DNAH2: variants seen among roughly 807,000 people sequenced by gnomAD.
The protein encoded by DNAH2 is dynein axonemal heavy chain 2, also known as axonemal beta dynein heavy chain 2.
A neutral mutation model predicts 523.5 loss-of-function variants in DNAH2; 323 were observed. The observed-to-expected ratio is 0.62, with a 90% CI of 0.56 to 0.68. DNAH2 has a LOEUF of 0.68. DNAH2 is among the 30% of genes least tolerant of loss of function. DNAH2 has a pLI of 0.00. For synonymous variants in DNAH2, 2,093 were observed against 2,177.4 expected (o/e 0.96, Z 1.08); for missense variants, 4,907 against 5,701.5 (o/e 0.86, Z 4.49).
chr17:7,754,616 G>T lies in DNAH2; in HGVS notation c.1905-2475G>T. 6.6e-7 allele frequency: 1 copy of T among 1,509,258 alleles called. No individual in the cohort carries two copies. Among genetic ancestry groups the T allele is most frequent in the East Asian group, 2.3e-5 (1 of 44,312 alleles). 93.5% of individuals were successfully genotyped at this position (1,509,258 alleles called of 1,614,324 possible). ...CCGAGGCTCTCAAGGCCCTCGTAAA[G>T]CCCAAGGAGGTTAAGCCCAAGATCC... On this transcript the variant is annotated intron_variant, in intron 12 of 85. Coordinates refer to ENST00000572933, the MANE Select transcript of DNAH2 (RefSeq NM_020877.5). This position sits in a 1 kb window ranked among gnomAD's most constrained non-coding sequence, Gnocchi z 4.6.
Position 7,740,891 on chromosome 17 carries a change from C to T in DNAH2, c.1588C>T (p.Arg530Trp), listed in dbSNP as rs748106013. Reference sequence around the variant, plus strand: ...CGAGCTGGCCCTGGTGAACCGTGAACGGAACAAGAAATGGCCAGACCTGGA... The same window carrying T: ...CGAGCTGGCCCTGGTGAACCGTGAATGGAACAAGAAATGGCCAGACCTGGA... Reference protein sequence around the residue: ...NSELALVNRERNKKWPDLEPY... With the variant: ...NSELALVNREWNKKWPDLEPY... Residue 530 changes from arginine to tryptophan, a missense_variant, in exon 11 of 86, where the codon CGG (arginine) becomes TGG (tryptophan). Arg to Trp is a moderately radical substitution (Grantham distance 101, BLOSUM62 -3). Coordinates refer to ENST00000572933, the MANE Select transcript of DNAH2 (RefSeq NM_020877.5). 2.2e-5 allele frequency: 36 copies of T among 1,613,926 alleles called. No homozygotes were observed. Among genetic ancestry groups the T allele is most frequent in the Admixed American group, 1.0e-4 (6 of 59,998 alleles).
intron 3 of DNAH2, among the ~76,000 whole-genome samples, chr17:7,725,773 T>A (rs943290663): frequency 1.3e-5 from 2 of 150,412 alleles, no homozygotes; most frequent in Admixed American, 6.7e-5. Context: ...TTTGCATTTT[T>A]AAAAATGACA....
At position 7,757,133 on chromosome 17, in the gene DNAH2, G is replaced by C; in HGVS notation, c.1947G>C (p.Arg649=). 6.2e-7 allele frequency: 1 copy of C among 1,614,198 alleles called. No individual in the cohort carries two copies. Among genetic ancestry groups the C allele is most frequent in the Non-Finnish European group, 8.5e-7 (1 of 1,180,022 alleles). Residue 649 remains arginine, a synonymous_variant, in exon 13 of 86, where the codon CGG becomes CGC. Coordinates refer to ENST00000572933, the MANE Select transcript of DNAH2 (RefSeq NM_020877.5). ...TTGCGGAAATTGACTACTGGGAGCG[G>C]CTGCTGTTTGAGACGCCCCATTACG... ...ILFAEIDYWE[R]LLFETPHYVV... is the part of the protein sequence containing the mutation.
At chr17:7,739,599 T>G in intron 8 of DNAH2, 134 bp from the exon 9 acceptor site, 1 of 888,102 alleles carries the variant, frequency 1.1e-6, no homozygotes, top group Non-Finnish European at 1.7e-6. Flanking sequence ...TTTAGATATT[T>G]TCTTCTTCTT....
In DNAH2 at chr17:7,760,277, G is replaced by A. The variant is rs968293481; in HGVS notation, c.2785+339G>A. Among the ~76,000 whole-genome samples, 1 of 151,992 alleles carries A rather than the reference G, an allele frequency of 6.6e-6. No individual in the cohort carries two copies. Among genetic ancestry groups the A allele is most frequent in the South Asian group, 2.1e-4 (1 of 4,820 alleles). On this transcript the variant is annotated intron_variant, in intron 17 of 85. Coordinates refer to ENST00000572933, the MANE Select transcript of DNAH2 (RefSeq NM_020877.5). The surrounding 1 kb of genome is among the most constrained non-coding windows in gnomAD (Gnocchi z 4.0). Reference sequence around the variant, plus strand: ...CAACTACTCAGGAGGCTGAGGCAAAGAATCACCCCGGAGGCGGAGGTTGCA... The same window carrying A: ...CAACTACTCAGGAGGCTGAGGCAAAAAATCACCCCGGAGGCGGAGGTTGCA...
At chr17:7,805,459 A>G in intron 61 of DNAH2, 66 bp downstream of exon 61, 1 of 1,603,702 alleles carries the variant, frequency 6.2e-7, no homozygotes, top group Non-Finnish European at 8.5e-7. Context: ...TCGGCTGTGC[A>G]GCAGACACTC....
intron 39 of DNAH2, among the ~76,000 whole-genome samples, chr17:7,784,777 A>G (rs1291149875): frequency 6.6e-6 from 1 of 152,236 alleles, no homozygotes; most frequent in Non-Finnish European, 1.5e-5. Flanking sequence ...GTGAAGAGTG[A>G]CATTTCATAA....
intron 53 of DNAH2, 120 bp downstream of exon 53, chr17:7,797,949 GC>G (rs2077112537): frequency 1.4e-6 from 2 of 1,432,052 alleles, no homozygotes; most frequent in Non-Finnish European, 9.4e-7. Context: ...TTTCTCCCTG[GC>G]CCCAGATGCC....
chr17:7,739,849 C>T lies in DNAH2; in HGVS notation c.1287C>T (p.Asp429=), dbSNP rs759402580. ...CACGGAACTTGCTGGAGATTGAGGA[C>T]ATCTTTCATAAAAATCTGCACACGC... is the stretch of plus-strand genomic sequence containing the variant. ...QITRNLLEIE[D]IFHKNLHTLR... Residue 429 remains aspartate (D), a synonymous_variant, in exon 9 of 86, where the codon GAC becomes GAT. Transcript: ENST00000572933. The T allele has an allele frequency of 6.2e-7, 1 of 1,613,994 alleles. No homozygotes were observed. Among genetic ancestry groups the T allele is most frequent in the South Asian group, 1.1e-5 (1 of 91,060 alleles).
chr17:7,724,947 C>T (rs1176043055), intron 3 of DNAH2, among the ~76,000 whole-genome samples: 2 of 151,498 alleles, frequency 1.3e-5, no homozygotes, highest in African/African-American at 2.4e-5. Context: ...TTTGTCATAT[C>T]GGCCAGGCTG....
Position 7,817,313 on chromosome 17 carries a change from C to G in DNAH2, c.9918C>G (p.Tyr3306Ter). The change falls in exon 65 of 86, where the codon TAC becomes TAG. Residue 3306 changes from tyrosine (Y) to a stop codon, truncating the protein, a stop_gained. Transcript: ENST00000572933. LOFTEE classifies it high-confidence loss of function. ...AGGGCCTGGAGGAGGACCTGGGCTA[C>G]CTGGTGGGGGACTGTCTCCTGGCAG... is the stretch of plus-strand genomic sequence containing the variant. ...TVQGLEEDLGYLVGDCLLAAA... is the reference protein window; with the variant it reads ...TVQGLEEDLG 1 of 1,604,018 alleles carries G rather than the reference C, an allele frequency of 6.2e-7. No homozygotes were observed. Among genetic ancestry groups the G allele is most frequent in the South Asian group, 1.1e-5 (1 of 89,282 alleles).
intron 69 of DNAH2, 48 bp from the exon 70 acceptor site, chr17:7,818,595 A>T: frequency 3.1e-6 from 5 of 1,608,818 alleles, no homozygotes; most frequent in Non-Finnish European, 4.2e-6. Context: ...GAGGAAGGTG[A>T]AGGTCGAAGG....
intron 71 of DNAH2, 69 bp downstream of exon 71, chr17:7,819,132 G>C (rs766327269): frequency 1.2e-6 from 2 of 1,602,928 alleles, no homozygotes; most frequent in Admixed American, 1.7e-5. Context: ...ATGACGGCTC[G>C]AGACCCCTCC....
In DNAH2 at chr17:7,749,308, C is replaced by CAAAAAAAAAAAAAAAAAAAAA. The variant is rs57660603; in HGVS notation, c.1904+6186_1904+6206dup. On this transcript the variant is annotated intron_variant, in intron 12 of 85. Coordinates refer to ENST00000572933, the MANE Select transcript of DNAH2 (RefSeq NM_020877.5). ...GGGCAACAAGAGCTAAACTCCCCCC[C>CAAAAAAAAAAAAAAAAAAAAA]AAAAAAAAAAAAAAAAAAAAAAAAA... 3.8e-3 allele frequency among the ~76,000 whole-genome samples: 67 copies of CAAAAAAAAAAAAAAAAAAAAA among 17,766 alleles called. 32 individuals carry two copies. The highest frequency in any genetic ancestry group is 4.2e-3 in the Non-Finnish European group (52 of 12,386). 11.7% of individuals were successfully genotyped at this position (17,766 alleles called of 152,430 possible).
rs758572190 is a variant in DNAH2 at position 7,734,272 on chromosome 17, G to C, written c.718G>C (p.Glu240Gln). 6.2e-7 allele frequency: 1 copy of C among 1,607,516 alleles called. No individual in the cohort carries two copies. Among genetic ancestry groups the C allele is most frequent in the East Asian group, 2.2e-5 (1 of 44,768 alleles). Reference protein sequence around the residue: ...MKPEMVIKDKELVQRLETSMI... With the variant: ...MKPEMVIKDKQLVQRLETSMI... ...GCCTGAGATGGTGATAAAGGACAAA[G>C]AGCTGGTGCAACGGCTAGAGAGTGA... is the stretch of plus-strand genomic sequence containing the variant. Residue 240 changes from glutamate (E) to glutamine (Q), a missense_variant, in exon 6 of 86, where the codon GAG (glutamate) becomes CAG (glutamine). By Grantham distance (29) the Glu-to-Gln change is conservative (BLOSUM62 2). Around this residue, in one of 3 missense-constraint regions of DNAH2, gnomAD observed 2,806 missense variants for 3,190.8 expected, o/e 0.88. Coordinates refer to ENST00000572933, the MANE Select transcript of DNAH2 (RefSeq NM_020877.5).
At position 7,797,446 on chromosome 17, in the gene DNAH2, A is replaced by C. The variant is rs776993774; in HGVS notation, c.7996A>C (p.Met2666Leu). 1.2e-6 allele frequency: 2 copies of C among 1,614,050 alleles called. No homozygotes were observed. Among genetic ancestry groups the C allele is most frequent in the Non-Finnish European group, 1.7e-6 (2 of 1,180,040 alleles). Residue 2666 changes from methionine (M) to leucine (L), a missense_variant, in exon 52 of 86, where the codon ATG becomes CTG. By Grantham distance (15) the Met-to-Leu change is conservative. Transcript: ENST00000572933. ...LVDAADTEAF[M>L]GIISDKLGSF... ...TGATGCGGCAGACACAGAAGCCTTC[A>C]TGGGCATCATAAGCGACAAGCTCGG...
chr17:7,751,841 A>G (rs2075690273), intron 12 of DNAH2, among the ~76,000 whole-genome samples: 1 of 152,116 alleles, frequency 6.6e-6, no homozygotes, highest in Non-Finnish European at 1.5e-5. Context: ...TTTTATAGGA[A>G]TAGAGATTTG....
Position 7,781,153 on chromosome 17 carries a change from A to C in DNAH2, c.6115A>C (p.Ile2039Leu), listed in dbSNP as rs1248797020. 3 of 1,614,028 alleles carry C rather than the reference A, an allele frequency of 1.9e-6. No individual in the cohort carries two copies. The highest frequency in any genetic ancestry group is 2.7e-5 in the African/African-American group (2 of 74,914). The change falls in exon 39 of 86, where the codon ATT becomes CTT. Residue 2039 changes from isoleucine (I) to leucine (L), a missense_variant. Ile to Leu is a conservative substitution (Grantham distance 5). This residue lies in a region of DNAH2 where 2,806 missense variants were observed against 3,190.8 expected (regional missense o/e 0.88). Transcript: ENST00000572933. ...DLFPNIELPV[I>L]DYGKLRETVE... ...GTTTCCCAACATTGAGCTGCCTGTC[A>C]TTGACTATGGCAAGGTATTTGTTCC...
In DNAH2 at chr17:7,818,605, G is replaced by T. The variant is rs747352692; in HGVS notation, c.10537-38G>T. 20 of 1,611,146 alleles carry T rather than the reference G, an allele frequency of 1.2e-5. No homozygotes were observed. In the Admixed American group the frequency reaches 2.5e-4, roughly 20 times the overall value. On this transcript the variant is annotated intron_variant, in intron 69 of 85. Coordinates refer to ENST00000572933, the MANE Select transcript of DNAH2 (RefSeq NM_020877.5). The stretch of plus-strand genomic sequence containing the variant: ...GAGATGAGGAAGGTGAAGGTCGAAG[G>T]AGTGACAGCCCCTCACTGTGAGTCC...
Sources: gnomAD v4.1 joint callset for allele counts (sites outside exome capture counted in the v4.1 genomes callset) on GRCh38, gnomAD v4.1.1 for gene constraint, gnomAD v4.1.1 regional missense constraint, Gnocchi (gnomAD v3.1) non-coding constraint, MANE v1.5 for transcripts, NCBI Gene and HGNC (gene_info 2026-07-23, HGNC 2026-07-21) for gene names.